Variants in KCNH7 observed in about 807,000 individuals in gnomAD.
The protein encoded by KCNH7 is potassium voltage-gated channel subfamily H member 7, also known as voltage-gated inwardly rectifying potassium channel KCNH7.
In KCNH7, 49 loss-of-function variants were observed where a neutral mutation model predicts 120.8. That is an observed-to-expected ratio of 0.41 (90% confidence interval 0.32 to 0.51). The LOEUF is 0.51. KCNH7 is among the 20% of genes least tolerant of loss of function. The pLI is 0.38. For synonymous variants in KCNH7, 547 were observed against 516.1 expected, an observed-to-expected ratio of 1.06 and a Z score of -0.81; for missense variants, 1,097 against 1,446.6, an observed-to-expected ratio of 0.76 and a Z score of 3.92.
intron 7 of KCNH7, among the ~76,000 whole-genome samples, chr2:162,436,260 G>A (rs542946544): frequency 1.3e-5 from 2 of 152,206 alleles, no homozygotes; most frequent in East Asian, 3.9e-4. Flanking sequence ...GAAGGAGCCA[G>A]TCAAGCCCCT....
chr2:162,526,177 C>G (rs759287974), intron 3 of KCNH7, among the ~76,000 whole-genome samples: 2 of 151,796 alleles, frequency 1.3e-5, no homozygotes, highest in African/African-American at 2.4e-5. Flanking sequence ...TTCAGAAGGG[C>G]AGGGAGTGTA....
intron 2 of KCNH7, among the ~76,000 whole-genome samples, chr2:162,800,422 G>A (rs1290309660): frequency 6.6e-6 from 1 of 151,424 alleles, no homozygotes; most frequent in Non-Finnish European, 1.5e-5. Context: ...TTTTTATTGA[G>A]TATACTATTA....
In KCNH7 at chr2:162,518,078, C is replaced by T. The variant is rs1274585196; in HGVS notation, c.544G>A (p.Val182Met). Residue 182 changes from valine to methionine, a missense_variant, in exon 4 of 16, where the codon GTG becomes ATG. Transcript: ENST00000332142. ...KQSLPQEDPD[V>M]VVIDSSKHSD... ...TGTTTAGATGAATCGATGACCACCA[C>T]ATCGGGGTCTTCTTGTGGTAAGGAC... is the stretch of plus-strand genomic sequence containing the variant. 6.2e-7 allele frequency: 1 copy of T among 1,612,320 alleles called. No homozygotes were observed. The highest frequency in any genetic ancestry group is 8.5e-7 in the Non-Finnish European group (1 of 1,178,806).
intron 2 of KCNH7, among the ~76,000 whole-genome samples, chr2:162,567,804 A>G (rs1693310872): frequency 6.6e-6 from 1 of 152,070 alleles, no homozygotes; most frequent in Admixed American, 6.6e-5. Flanking sequence ...GGTGTTAAAT[A>G]CACCACATAA....
chr2:162,812,675 T>A (rs757662211), intron 2 of KCNH7, among the ~76,000 whole-genome samples: 1 of 152,116 alleles, frequency 6.6e-6, no homozygotes, highest in Non-Finnish European at 1.5e-5. Context: ...TATAAAGTAC[T>A]TCACTATGAG....
intron 2 of KCNH7, among the ~76,000 whole-genome samples, chr2:162,679,850 T>C (rs944995912): frequency 1.3e-5 from 2 of 151,792 alleles, no homozygotes; most frequent in African/African-American, 2.4e-5. Flanking sequence ...TGAATTTGAA[T>C]TAATGTGCTT....
chr2:162,442,292 C>T (rs977002953), intron 7 of KCNH7, among the ~76,000 whole-genome samples: 3 of 151,702 alleles, frequency 2.0e-5, no homozygotes, highest in Non-Finnish European at 2.9e-5. Context: ...TCCCAAAGTG[C>T]TGGGATTACA....
intron 2 of KCNH7, among the ~76,000 whole-genome samples, chr2:162,718,904 G>A (rs1288622908): frequency 6.6e-6 from 1 of 151,928 alleles, no homozygotes; most frequent in Non-Finnish European, 1.5e-5. Context: ...ATATGTTTCT[G>A]ACATGTTGTA....
chr2:162,704,494 A>T (rs915556771), intron 2 of KCNH7, among the ~76,000 whole-genome samples: 1 of 152,210 alleles, frequency 6.6e-6, no homozygotes, highest in Non-Finnish European at 1.5e-5. Flanking sequence ...TATGAGTTTT[A>T]TGCTTTGGTT....
intron 2 of KCNH7, among the ~76,000 whole-genome samples, chr2:162,746,341 A>G (rs1186831372): frequency 6.6e-6 from 1 of 152,152 alleles, no homozygotes; most frequent in Non-Finnish European, 1.5e-5. Flanking sequence ...AATGATTTGG[A>G]CAGTAATGTT....
At chr2:162,698,172 T>C (rs754127697) in intron 2 of KCNH7, among the ~76,000 whole-genome samples, 1 of 152,182 alleles carries the variant, frequency 6.6e-6, no homozygotes, top group Non-Finnish European at 1.5e-5. Context: ...ATAAAACATT[T>C]AATTTTTGCA....
chr2:162,777,374 T>C (rs886741959), intron 2 of KCNH7, among the ~76,000 whole-genome samples: 1 of 140,162 alleles, frequency 7.1e-6, no homozygotes, highest in Non-Finnish European at 1.5e-5. Context: ...GCTTAGGGAA[T>C]GATGACAAGA....
intron 2 of KCNH7, among the ~76,000 whole-genome samples, chr2:162,593,882 G>T (rs1170274867): frequency 1.3e-5 from 2 of 151,858 alleles, no homozygotes. Context: ...AGCATTTTTG[G>T]ACTCATATTT....
At chr2:162,449,590 G>A (rs1385508655) in intron 6 of KCNH7, among the ~76,000 whole-genome samples, 1 of 152,014 alleles carries the variant, frequency 6.6e-6, no homozygotes, top group Non-Finnish European at 1.5e-5. Context: ...TGGATACAGA[G>A]ACAGAAAGAC....
intron 2 of KCNH7, among the ~76,000 whole-genome samples, chr2:162,670,487 A>AG (rs1553511745): frequency 4.6e-5 from 7 of 150,696 alleles, no homozygotes; most frequent in Admixed American, 4.0e-4. Context: ...AAAAAAAAAA[A>AG]AAAAAGAAAA....
chr2:162,722,279 T>C, intron 2 of KCNH7, among the ~76,000 whole-genome samples: 1 of 151,960 alleles, frequency 6.6e-6, no homozygotes, highest in East Asian at 1.9e-4. Context: ...CAAGAATAAC[T>C]AGAGAAATAA....
intron 14 of KCNH7, among the ~76,000 whole-genome samples, chr2:162,377,882 TAATAA>T (rs1686266625): frequency 6.6e-6 from 1 of 152,218 alleles, no homozygotes; most frequent in African/African-American, 2.4e-5. Context: ...CATACTAATG[TAATAA>T]AATAACAACA....
chr2:162,442,586 C>T (rs1280841719), intron 7 of KCNH7, among the ~76,000 whole-genome samples: 2 of 152,060 alleles, frequency 1.3e-5, no homozygotes, highest in Non-Finnish European at 2.9e-5. Flanking sequence ...GGGCCGGGCA[C>T]ACTGGCTCAC....
At chr2:162,416,165 C>T (rs1486461426) in intron 9 of KCNH7, among the ~76,000 whole-genome samples, 1 of 151,848 alleles carries the variant, frequency 6.6e-6, no homozygotes, top group South Asian at 2.1e-4. Context: ...CCAAGGAGGG[C>T]GGATCACAAG....
Sources: gnomAD v4.1 joint callset for allele counts (sites outside exome capture counted in the v4.1 genomes callset) on GRCh38, gnomAD v4.1.1 for gene constraint, MANE v1.5 for transcripts, NCBI Gene and HGNC (gene_info 2026-07-23, HGNC 2026-07-21) for gene names.